The following SEPTIN9 variants were observed in gnomAD, a reference collection of about 807,000 sequenced individuals.
SEPTIN9 encodes septin 9.
Under a neutral mutation model 56.6 loss-of-function variants are expected in SEPTIN9, and 13 were observed. The observed-to-expected ratio is 0.23, with a 90% CI of 0.15 to 0.37. The LOEUF is 0.37. Ranked by LOEUF, SEPTIN9 falls within the 10% of genes least tolerant of loss-of-function variation. The pLI is 1.00. For missense variants in SEPTIN9, 650 were observed against 823.1 expected (o/e 0.79, Z 2.57); for synonymous variants, 332 against 334.1 (o/e 0.99, Z 0.07).
intron 2 of SEPTIN9, among the ~76,000 whole-genome samples, chr17:77,308,469 A>G (rs1431742750): frequency 1.3e-5 from 2 of 152,242 alleles, no homozygotes; most frequent in Non-Finnish European, 2.9e-5. Context: ...GGTCTGTTCT[A>G]TACATCTGCA....
At chr17:77,443,004 G>A (rs901629992) in intron 3 of SEPTIN9, among the ~76,000 whole-genome samples, 22 of 152,148 alleles carry the variant, frequency 1.4e-4, no homozygotes, top group Non-Finnish European at 1.3e-4. Context: ...GGTGTGGTGT[G>A]GAAACTACTC....
intron 3 of SEPTIN9, among the ~76,000 whole-genome samples, chr17:77,442,631 G>A (rs1481902766): frequency 6.6e-6 from 1 of 151,900 alleles, no homozygotes; most frequent in East Asian, 2.0e-4. Context: ...CCGGCACTTC[G>A]GGAGGCCGAG....
Position 77,435,186 on chromosome 17 carries a change from A to G in SEPTIN9, c.721+32483A>G, listed in dbSNP as rs932701097. On this transcript the variant is annotated intron_variant, in intron 3 of 11. Transcript: ENST00000427177. This position sits in a 1 kb window ranked among gnomAD's most constrained non-coding sequence, Gnocchi z 4.5. The stretch of plus-strand genomic sequence containing the variant: ...AACCTGCCCAAGCCTCCCTCTGAGC[A>G]TGGCAGAGGGAGGGTCCGAATGCGG... Among the ~76,000 whole-genome samples, 2 of 152,306 alleles carry G rather than the reference A, an allele frequency of 1.3e-5. No individual in the cohort carries two copies. Among genetic ancestry groups the G allele is most frequent in the Admixed American group, 1.3e-4 (2 of 15,312 alleles).
At position 77,342,695 on chromosome 17, in the gene SEPTIN9, C is replaced by T. The variant is rs187343732; in HGVS notation, c.76+35498C>T. ...AAGAAAGATGTATTTGGGCTGGGCT[C>T]GGTGCAGTGGCTCATGTTTGTAATC... is the stretch of plus-strand genomic sequence containing the variant. On this transcript the variant is annotated intron_variant, in intron 2 of 11. Coordinates refer to ENST00000427177, the MANE Select transcript of SEPTIN9 (RefSeq NM_001113491.2). 2.3e-3 allele frequency among the ~76,000 whole-genome samples: 345 copies of T among 152,156 alleles called. 5 individuals are homozygous for T. The highest frequency in any genetic ancestry group is 7.7e-3 in the African/African-American group (318 of 41,492).
At chr17:77,468,597 A>T (rs542289378) in intron 3 of SEPTIN9, among the ~76,000 whole-genome samples, 52 of 152,244 alleles carry the variant, frequency 3.4e-4, no homozygotes, top group Non-Finnish European at 6.0e-4. Context: ...CCCATTTCAC[A>T]TGTAAGAACA....
rs558872062 is a variant in SEPTIN9, at chr17:77,313,026, A to G, written c.76+5829A>G. On this transcript the variant is annotated intron_variant, in intron 2 of 11. Coordinates refer to ENST00000427177, the MANE Select transcript of SEPTIN9 (RefSeq NM_001113491.2). The surrounding 1 kb of genome is among the most constrained non-coding windows in gnomAD (Gnocchi z 4.5). ...TTTAGATCATCTTCACGTTGGATCC[A>G]CAAATTCATTGTTTATCCAGTGAAC... 4.6e-5 allele frequency among the ~76,000 whole-genome samples: 7 copies of G among 152,112 alleles called. No individual in the cohort carries two copies. The highest frequency in any genetic ancestry group is 1.0e-4 in the Non-Finnish European group (7 of 68,034).
intron 2 of SEPTIN9, chr17:77,320,064 G>C: frequency 7.1e-7 from 1 of 1,412,460 alleles, no homozygotes; most frequent in South Asian, 1.6e-5. Flanking sequence ...TCTCTCCTTT[G>C]CTCCCTTTTT....
chr17:77,440,404 C>T (rs1223183248), intron 3 of SEPTIN9, among the ~76,000 whole-genome samples: 1 of 152,228 alleles, frequency 6.6e-6, no homozygotes, highest in African/African-American at 2.4e-5. Flanking sequence ...ATCCGCCTGC[C>T]TTCGCCTCCC....
At chr17:77,335,029 T>A (rs1479332983) in intron 2 of SEPTIN9, among the ~76,000 whole-genome samples, 1 of 152,082 alleles carries the variant, frequency 6.6e-6, no homozygotes, top group South Asian at 2.1e-4. Flanking sequence ...TGTACGTATA[T>A]ACATATTGGC....
intron 3 of SEPTIN9, among the ~76,000 whole-genome samples, chr17:77,459,429 C>T (rs1162353940): frequency 6.6e-6 from 1 of 152,250 alleles, no homozygotes. Flanking sequence ...AAGACCCGGG[C>T]CCGGTCTGTG....
At chr17:77,397,028 C>T (rs957742923) in intron 2 of SEPTIN9, 2 of 154,802 alleles carry the variant, frequency 1.3e-5, no homozygotes, top group Admixed American at 6.5e-5. Context: ...TGGGTGACCA[C>T]ACCAGCTAGC....
chr17:77,361,087 C>G (rs2034403117), intron 2 of SEPTIN9, among the ~76,000 whole-genome samples: 1 of 151,918 alleles, frequency 6.6e-6, no homozygotes, highest in Non-Finnish European at 1.5e-5. Flanking sequence ...CCACGTCCAG[C>G]TAAATTTTGT....
intron 2 of SEPTIN9, among the ~76,000 whole-genome samples, chr17:77,351,228 AACACAC>A (rs10537405): frequency 0.11 from 15,866 of 144,648 alleles, 899 homozygotes; most frequent in Non-Finnish European, 0.13. Context: ...GCGTGCACAC[AACACAC>A]ACACACACAC....
intron 2 of SEPTIN9, among the ~76,000 whole-genome samples, chr17:77,342,006 C>A (rs1479453793): frequency 1.3e-4 from 19 of 151,092 alleles, no homozygotes; most frequent in African/African-American, 4.6e-4. Context: ...TGGCGTGAAC[C>A]CGGGAGGCGG....
rs568806785 is a variant in SEPTIN9, at chr17:77,466,589, G to A, written c.722-15555G>A. The A allele has an allele frequency of 1.3e-5, 13 of 985,652 alleles. No individual in the cohort carries two copies. The East Asian group carries it at 4.5e-4, about 34-fold the overall frequency. 61.1% of individuals were successfully genotyped at this position (985,652 alleles called of 1,614,324 possible). On this transcript the variant is annotated intron_variant, in intron 3 of 11. Transcript: ENST00000427177. ...GGTCAACCCCAGGCCCTGGGTCCTC[G>A]GGAGGAGGAGAAAGAAGAGAAGCAG... is the stretch of plus-strand genomic sequence containing the variant.
chr17:77,286,018 C>CCCGTCT (rs1372612227), intron 1 of SEPTIN9, among the ~76,000 whole-genome samples: 1 of 152,278 alleles, frequency 6.6e-6, no homozygotes, highest in Non-Finnish European at 1.5e-5. Flanking sequence ...CTCCCCCAGC[C>CCCGTCT]CCGTCTCCGC....
chr17:77,336,025 T>C (rs1426496367), intron 2 of SEPTIN9, among the ~76,000 whole-genome samples: 1 of 35,170 alleles, frequency 2.8e-5, no homozygotes. Context: ...GTAGGTCCTA[T>C]GTTGACTGTA....
intron 3 of SEPTIN9, among the ~76,000 whole-genome samples, chr17:77,467,394 C>T (rs2038788813): frequency 6.6e-6 from 1 of 152,188 alleles, no homozygotes; most frequent in South Asian, 2.1e-4. Flanking sequence ...CTTACTGTGT[C>T]TTCTGTGTTC....
chr17:77,324,207 C>A (rs1173305261), intron 2 of SEPTIN9, among the ~76,000 whole-genome samples: 1 of 152,230 alleles, frequency 6.6e-6, no homozygotes, highest in South Asian at 2.1e-4. Context: ...CACTGGGTAA[C>A]CCAAAATGGT....
Sources: gnomAD v4.1 joint callset for allele counts (sites outside exome capture counted in the v4.1 genomes callset) on GRCh38, gnomAD v4.1.1 for gene constraint, Gnocchi (gnomAD v3.1) non-coding constraint, MANE v1.5 for transcripts, NCBI Gene and HGNC (gene_info 2026-07-23, HGNC 2026-07-21) for gene names.